CSMD1: variants seen among roughly 807,000 people sequenced by gnomAD.
The protein encoded by CSMD1 is CUB and sushi domain-containing protein 1.
CSMD1 carries 213 observed loss-of-function variants against 417.5 expected under a neutral mutation model. The observed-to-expected ratio is 0.51, with a 90% CI of 0.46 to 0.57. CSMD1 has a LOEUF of 0.57. CSMD1 is among the 20% of genes least tolerant of loss of function. CSMD1 has a pLI of 0.00. For missense variants in CSMD1, 6,923 were observed against 4,529.7 expected (o/e 1.53, Z -15.17); for synonymous variants, 2,862 against 1,736.8 (o/e 1.65, Z -16.11).
At chr8:3,279,548 G>C (rs562218945) in intron 26 of CSMD1, among the ~76,000 whole-genome samples, 18 of 152,110 alleles carry the variant, frequency 1.2e-4, no homozygotes, top group Non-Finnish European at 1.9e-4. Flanking sequence ...TAATTTGAGA[G>C]TTTCTTGCCT....
At chr8:3,125,914 T>A (rs1585414052) in intron 41 of CSMD1, among the ~76,000 whole-genome samples, 1 of 152,056 alleles carries the variant, frequency 6.6e-6, no homozygotes, top group Non-Finnish European at 1.5e-5. Context: ...GAGGCAGAGG[T>A]TGCAGTGAGC....
At chr8:4,648,556 GT>G (rs536985067) in intron 1 of CSMD1, among the ~76,000 whole-genome samples, 2 of 152,162 alleles carry the variant, frequency 1.3e-5, no homozygotes, top group South Asian at 2.1e-4. Flanking sequence ...TTATATTTGG[GT>G]TTAGTGTCTA....
intron 3 of CSMD1, among the ~76,000 whole-genome samples, chr8:4,039,257 T>G (rs996867590): frequency 6.6e-6 from 1 of 152,172 alleles, no homozygotes; most frequent in Non-Finnish European, 1.5e-5. Flanking sequence ...CCTGGTAGCT[T>G]AAGAAAATAT....
chr8:4,793,216 G>A (rs1350011431), intron 1 of CSMD1, among the ~76,000 whole-genome samples: 1 of 152,030 alleles, frequency 6.6e-6, no homozygotes, highest in Non-Finnish European at 1.5e-5. Flanking sequence ...TGCAGCACAA[G>A]ACATGATCAT....
At chr8:4,706,389 G>A (rs952617799) in intron 1 of CSMD1, among the ~76,000 whole-genome samples, 3 of 152,076 alleles carry the variant, frequency 2.0e-5, no homozygotes, top group African/African-American at 7.2e-5. Context: ...GTTATCTGCA[G>A]ACAAAAAGTG....
At chr8:3,595,250 C>G (rs1039040478) in intron 8 of CSMD1, among the ~76,000 whole-genome samples, 5 of 152,148 alleles carry the variant, frequency 3.3e-5, no homozygotes, top group African/African-American at 9.7e-5. Context: ...CAGCCACATG[C>G]TAGGGAAACA....
At chr8:3,298,027 C>T (rs1291679391) in intron 25 of CSMD1, among the ~76,000 whole-genome samples, 2 of 152,020 alleles carry the variant, frequency 1.3e-5, no homozygotes, top group Non-Finnish European at 2.9e-5. Flanking sequence ...CAGGGAAATG[C>T]AAATAAAAAG....
intron 26 of CSMD1, among the ~76,000 whole-genome samples, chr8:3,258,834 T>C (rs1800846536): frequency 6.6e-6 from 1 of 152,116 alleles, no homozygotes; most frequent in South Asian, 2.1e-4. Context: ...AGCAAACAAA[T>C]GCAGGAAGAG....
chr8:4,355,372 C>G (rs1306648008), intron 3 of CSMD1, among the ~76,000 whole-genome samples: 2 of 151,764 alleles, frequency 1.3e-5, no homozygotes, highest in African/African-American at 2.4e-5. Context: ...ACACAAAACT[C>G]TACAAAAATG....
At chr8:3,384,630 A>G (rs1478660591) in intron 18 of CSMD1, among the ~76,000 whole-genome samples, 5 of 142,922 alleles carry the variant, frequency 3.5e-5, no homozygotes, top group African/African-American at 1.0e-4. Flanking sequence ...GCAAATTGCT[A>G]TTTATATATT....
At chr8:3,877,107 C>A (rs993784651) in intron 5 of CSMD1, among the ~76,000 whole-genome samples, 1 of 152,168 alleles carries the variant, frequency 6.6e-6, no homozygotes, top group Non-Finnish European at 1.5e-5. Context: ...TGAAGTAGTG[C>A]AACTCCTCGG....
chr8:3,945,616 G>A (rs763711533), intron 5 of CSMD1, among the ~76,000 whole-genome samples: 6 of 152,072 alleles, frequency 3.9e-5, no homozygotes, highest in South Asian at 4.2e-4. Context: ...GCAAACTAAT[G>A]TACTGGTTAA....
chr8:3,374,395 C>A (rs1225866276), intron 18 of CSMD1, among the ~76,000 whole-genome samples: 1 of 152,122 alleles, frequency 6.6e-6, no homozygotes, highest in Non-Finnish European at 1.5e-5. Context: ...GGGCATAGAA[C>A]AATGAATAAG....
intron 8 of CSMD1, among the ~76,000 whole-genome samples, chr8:3,593,419 C>A (rs1295810836): frequency 6.6e-6 from 1 of 152,192 alleles, no homozygotes; most frequent in Non-Finnish European, 1.5e-5. Flanking sequence ...CACCTGCCTC[C>A]AGGGCAGAGG....
At chr8:3,999,154 T>G (rs1221723267) in intron 4 of CSMD1, among the ~76,000 whole-genome samples, 1 of 151,954 alleles carries the variant, frequency 6.6e-6, no homozygotes, top group Non-Finnish European at 1.5e-5. Flanking sequence ...TTTCTTCCTT[T>G]TCTTTCTTCT....
chr8:3,315,436 G>A (rs1442110343), intron 23 of CSMD1, among the ~76,000 whole-genome samples: 1 of 95,346 alleles, frequency 1.0e-5, no homozygotes, highest in Non-Finnish European at 2.2e-5. Context: ...TAGGTGAAGT[G>A]AGTGTGTGTG....
intron 3 of CSMD1, among the ~76,000 whole-genome samples, chr8:4,169,120 G>C (rs1048633433): frequency 1.3e-5 from 2 of 152,128 alleles, no homozygotes; most frequent in Admixed American, 6.5e-5. Context: ...TCTCATCCCT[G>C]TAAGCTCACT....
chr8:4,789,826 T>A (rs185816678), intron 1 of CSMD1, among the ~76,000 whole-genome samples: 105 of 152,342 alleles, frequency 6.9e-4, no homozygotes, highest in African/African-American at 2.4e-3. Flanking sequence ...ATTTTGTTTA[T>A]GGAAAATAAG....
intron 3 of CSMD1, among the ~76,000 whole-genome samples, chr8:4,303,127 G>C (rs1013945326): frequency 6.6e-6 from 1 of 152,074 alleles, no homozygotes; most frequent in Non-Finnish European, 1.5e-5. Context: ...AGGACATTAT[G>C]ATTTTCTCTA....
Sources: gnomAD v4.1 joint callset for allele counts (sites outside exome capture counted in the v4.1 genomes callset) on GRCh38, gnomAD v4.1.1 for gene constraint, MANE v1.5 for transcripts, NCBI Gene and HGNC (gene_info 2026-07-23, HGNC 2026-07-21) for gene names.